The following MYO10 variants were observed in gnomAD, a reference collection of about 807,000 sequenced individuals.
MYO10 encodes the protein unconventional myosin-X.
MYO10 carries 133 observed loss-of-function variants against 257.3 expected under a neutral mutation model. The ratio of observed to expected loss-of-function variants is 0.52; its 90% confidence interval spans 0.45 to 0.60. The LOEUF (loss-of-function observed/expected upper bound fraction) is 0.60, where lower values mean the gene tolerates loss of function less well. Ranked by LOEUF, MYO10 falls within the 20% of genes least tolerant of loss-of-function variation. MYO10 has a pLI of 0.00. For synonymous variants in MYO10, 1,104 were observed against 1,028.6 expected (o/e 1.07, Z -1.40); for missense variants, 2,399 against 2,635.7 (o/e 0.91, Z 1.97).
At chr5:16,738,890 C>CAAAAA (rs36039787) in intron 19 of MYO10, among the ~76,000 whole-genome samples, 4 of 74,200 alleles carry the variant, frequency 5.4e-5, no homozygotes, top group Admixed American at 1.6e-4. Context: ...GACTCCATCT[C>CAAAAA]AAAAAAAAAA....
intron 3 of MYO10, among the ~76,000 whole-genome samples, chr5:16,800,177 C>G (rs1742081218): frequency 6.6e-6 from 1 of 152,098 alleles, no homozygotes; most frequent in Admixed American, 6.5e-5. Context: ...CTGACTCTTA[C>G]AATAAAATGC....
intron 1 of MYO10, among the ~76,000 whole-genome samples, chr5:16,888,904 A>C (rs1301661763): frequency 6.6e-6 from 1 of 152,110 alleles, no homozygotes; most frequent in Non-Finnish European, 1.5e-5. Flanking sequence ...GGCAATGGTG[A>C]CTCATGCCTG....
intron 2 of MYO10, among the ~76,000 whole-genome samples, chr5:16,828,296 A>G (rs1743059608): frequency 6.6e-6 from 1 of 152,056 alleles, no homozygotes; most frequent in Non-Finnish European, 1.5e-5. Context: ...ATGAAGGCAA[A>G]GAGATCGCTG....
intron 35 of MYO10, 113 bp from the exon 36 acceptor site, chr5:16,674,002 T>C (rs1338984982): frequency 1.2e-6 from 1 of 862,948 alleles, no homozygotes; most frequent in Non-Finnish European, 1.9e-6. Context: ...CCCCCACTGG[T>C]GAATGGAGCA....
At chr5:16,760,321 C>T (rs1210272451) in intron 17 of MYO10, among the ~76,000 whole-genome samples, 6 of 149,764 alleles carry the variant, frequency 4.0e-5, no homozygotes, top group South Asian at 2.1e-4. Flanking sequence ...AATAGCCAGG[C>T]GTGGTGGCGG....
intron 10 of MYO10, among the ~76,000 whole-genome samples, chr5:16,768,316 G>C (rs1200404833): frequency 6.6e-6 from 1 of 152,186 alleles, no homozygotes; most frequent in African/African-American, 2.4e-5. Flanking sequence ...GAGAAGTCAT[G>C]AGTATTCAGG....
intron 19 of MYO10, among the ~76,000 whole-genome samples, chr5:16,715,392 A>ATTTTT (rs372307063): frequency 0.022 from 1,868 of 84,040 alleles, 39 homozygotes; most frequent in Middle Eastern, 0.033. Flanking sequence ...TAAGATTGAA[A>ATTTTT]TTTTTTTTTT....
At chr5:16,906,068 G>C (rs1301112207) in intron 1 of MYO10, among the ~76,000 whole-genome samples, 2 of 152,176 alleles carry the variant, frequency 1.3e-5, no homozygotes, top group Non-Finnish European at 2.9e-5. Context: ...CACAAAAAAA[G>C]TGACAACAGT....
chr5:16,694,134 A>G (rs1002603855), intron 27 of MYO10, among the ~76,000 whole-genome samples: 3 of 152,214 alleles, frequency 2.0e-5, no homozygotes, highest in African/African-American at 4.8e-5. Flanking sequence ...TCCAGATCCA[A>G]TTGGCTGGCC....
chr5:16,682,216 A>G (rs1282642317), intron 30 of MYO10, among the ~76,000 whole-genome samples: 1 of 152,234 alleles, frequency 6.6e-6, no homozygotes, highest in Non-Finnish European at 1.5e-5. Flanking sequence ...AACTTGGAGC[A>G]ACACATTCAT....
At chr5:16,731,746 C>T (rs1028575898) in intron 19 of MYO10, among the ~76,000 whole-genome samples, 5 of 152,194 alleles carry the variant, frequency 3.3e-5, no homozygotes, top group Non-Finnish European at 2.9e-5. Context: ...ATCTGGACAG[C>T]GTGGAGGGCA....
chr5:16,687,337 C>A (rs936502804), intron 28 of MYO10, among the ~76,000 whole-genome samples: 4 of 151,000 alleles, frequency 2.6e-5, no homozygotes, highest in African/African-American at 9.7e-5. Context: ...AAAACAAATA[C>A]AAAACGAAAC....
At chr5:16,782,670 C>G (rs1003054087) in intron 5 of MYO10, among the ~76,000 whole-genome samples, 4 of 152,098 alleles carry the variant, frequency 2.6e-5, no homozygotes, top group Non-Finnish European at 5.9e-5. Flanking sequence ...GTTTGCCGAC[C>G]CCTGGACAAA....
At position 16,835,174 on chromosome 5, in the gene MYO10, C is replaced by T. The variant is rs575889558; in HGVS notation, c.121-17007G>A. Among the ~76,000 whole-genome samples the T allele has an allele frequency of 7.3e-5, 11 of 150,970 alleles. No individual in the cohort carries two copies. The East Asian group carries it at 1.4e-3, about 19-fold the overall frequency. On this transcript the variant is annotated intron_variant, in intron 2 of 40. Transcript: ENST00000513610. The stretch of plus-strand genomic sequence containing the variant: ...CATGGGCGACAGAGTGAGACTGTCT[C>T]GGGTGGGTAGAGGGGTGGGGAAGAA...
At chr5:16,703,358 AC>A (rs1738175324) in intron 22 of MYO10, among the ~76,000 whole-genome samples, 200 bp from the exon 23 acceptor site, 2 of 152,160 alleles carry the variant, frequency 1.3e-5, no homozygotes, top group African/African-American at 4.8e-5. Flanking sequence ...AACAAACAAA[AC>A]TAAAGTAAGA....
chr5:16,725,080 T>TC (rs1399533110), intron 19 of MYO10, among the ~76,000 whole-genome samples: 4 of 75,788 alleles, frequency 5.3e-5, no homozygotes, highest in Non-Finnish European at 8.1e-5. Context: ...TTCTTCTTCT[T>TC]TTTTTTTTTT....
At chr5:16,925,105 A>G (rs1240137837) in intron 1 of MYO10, among the ~76,000 whole-genome samples, 1 of 152,114 alleles carries the variant, frequency 6.6e-6, no homozygotes, top group Non-Finnish European at 1.5e-5. Context: ...TGCTGGGATT[A>G]CAGGCATGAG....
intron 1 of MYO10, among the ~76,000 whole-genome samples, chr5:16,894,250 C>A (rs189055424): frequency 6.6e-6 from 1 of 152,144 alleles, no homozygotes; most frequent in Non-Finnish European, 1.5e-5. Context: ...TGGATGTAAT[C>A]GTCATGCTCC....
intron 26 of MYO10, among the ~76,000 whole-genome samples, chr5:16,695,881 C>T (rs1344960352): frequency 6.6e-6 from 1 of 152,216 alleles, no homozygotes; most frequent in Non-Finnish European, 1.5e-5. Flanking sequence ...GTCCAAGAGG[C>T]CCCTGCTCAT....
Sources: gnomAD v4.1 joint callset for allele counts (sites outside exome capture counted in the v4.1 genomes callset) on GRCh38, gnomAD v4.1.1 for gene constraint, MANE v1.5 for transcripts, NCBI Gene and HGNC (gene_info 2026-07-23, HGNC 2026-07-21) for gene names.